FAM120C: variants seen among roughly 807,000 people sequenced by gnomAD.
FAM120C encodes constitutive coactivator of PPAR-gamma-like protein 2.
Under a neutral mutation model 71.2 loss-of-function variants are expected in FAM120C, and 14 were observed. That is an observed-to-expected ratio of 0.20 (90% CI 0.13 to 0.31). The LOEUF (loss-of-function observed/expected upper bound fraction) is 0.31. FAM120C is among the 10% of genes least tolerant of loss of function. FAM120C has a pLI of 1.00. For synonymous variants in FAM120C, 354 were observed against 353.2 expected, an observed-to-expected ratio of 1.00 and a Z score of -0.03; for missense variants, 500 against 879.0, an observed-to-expected ratio of 0.57 and a Z score of 5.45.
chrX:54,080,202 A>C, intron 15 of FAM120C, 30 bp downstream of exon 15: 1 of 1,157,820 alleles, frequency 8.6e-7, no homozygotes, highest in Non-Finnish European at 1.2e-6. Flanking sequence ...CATCAAACAG[A>C]AGCTAAATAA....
At chrX:54,181,190 G>T (rs2067347817) in intron 1 of FAM120C, among the ~76,000 whole-genome samples, 1 of 110,564 alleles carries the variant, frequency 9.0e-6, no homozygotes, top group African/African-American at 3.3e-5. Flanking sequence ...CTCTGTTTAG[G>T]TCTTTTAGTC....
rs1157546187 is a variant in FAM120C, at chrX:54,157,709, G to A, written c.1009C>T (p.His337Tyr). ...ATTACCTTAAGTGATGCAAGAGGAT[G>A]TTCTGGTCCCAAGAGGCTCCAGTGA... ...AFHWSLLGPE[H>Y]PLASLKVRAH... Residue 337 changes from histidine to tyrosine, a missense_variant, in exon 3 of 16, where the codon CAT becomes TAT. Physicochemically the swap from His to Tyr is moderately conservative, Grantham distance 83. Transcript: ENST00000375180. 2 of 1,206,427 alleles carry A rather than the reference G, an allele frequency of 1.7e-6. No individual in the cohort carries two copies. The highest frequency in any genetic ancestry group is 2.2e-6 in the Non-Finnish European group (2 of 892,237).
Position 54,182,866 on chromosome X carries a change from AGGG to A in FAM120C, c.330_332del (p.Pro111del). 9.2e-7 allele frequency: 1 copy of A among 1,085,452 alleles called. No homozygotes were observed. The highest frequency in any genetic ancestry group is 1.2e-6 in the Non-Finnish European group (1 of 813,531). 89.5% of individuals were successfully genotyped at this position (1,085,452 alleles called of 1,213,427 possible). On this transcript the variant is annotated inframe_deletion, in exon 1 of 16. Transcript: ENST00000375180. ...CCAGCACCCGGGCCCCGGGCAGCTG[AGGG>A]GGCGGCGGCGGCGGCAGCGGAGGGT... is the stretch of plus-strand genomic sequence containing the variant.
chrX:54,123,937 A>G (rs1460072221), intron 9 of FAM120C, among the ~76,000 whole-genome samples: 2 of 91,492 alleles, frequency 2.2e-5, no homozygotes, highest in Non-Finnish European at 4.3e-5. Context: ...TCCTTCTAAC[A>G]GACAGGACCC....
chrX:54,143,236 A>G (rs1349291178), intron 4 of FAM120C, among the ~76,000 whole-genome samples: 3 of 110,924 alleles, frequency 2.7e-5, no homozygotes. Context: ...TTGACACCCT[A>G]ACATCACAAT....
At position 54,135,022 on chromosome X, in the gene FAM120C, C is replaced by G; in HGVS notation, c.1425G>C (p.Leu475Phe). Residue 475 changes from leucine (L) to phenylalanine (F), a missense_variant, in exon 7 of 16, where the codon TTG (leucine) becomes TTC (phenylalanine). Physicochemically the swap from Leu to Phe is conservative, Grantham distance 22. Around this residue, in one of 11 missense-constraint regions of FAM120C, gnomAD observed 85 missense variants for 84.9 expected, o/e 1.00. Coordinates refer to ENST00000375180, the MANE Select transcript of FAM120C (RefSeq NM_017848.6). ...CCTCAGAAAAAGCATGGGATTCCCC[C>G]AAAGCATGGGAGGAGAAGAGAAGAG... ...NSSLLFSSHA[L>F]GESHAFSEDP... 8.3e-7 allele frequency: 1 copy of G among 1,211,475 alleles called. No homozygotes were observed. Among genetic ancestry groups the G allele is most frequent in the Non-Finnish European group, 1.1e-6 (1 of 895,374 alleles).
At chrX:54,148,731 TA>T (rs1557132668) in intron 4 of FAM120C, among the ~76,000 whole-genome samples, 1 of 111,758 alleles carries the variant, frequency 8.9e-6, no homozygotes, top group Non-Finnish European at 1.9e-5. Context: ...AGAACAGCTA[TA>T]AAAAACACTG....
chrX:54,132,716 T>C lies in FAM120C; in HGVS notation c.2038A>G (p.Met680Val), dbSNP rs782411216. The change falls in exon 9 of 16, where the codon ATG (methionine) becomes GTG (valine). Residue 680 changes from methionine to valine, a missense_variant. Coordinates refer to ENST00000375180, the MANE Select transcript of FAM120C (RefSeq NM_017848.6). ...ETQRKMERLAMRRRLPVEVPS... is the reference protein window; with the variant it reads ...ETQRKMERLAVRRRLPVEVPS... Reference sequence around the variant, plus strand: ...CCTTCCACAGGCAGCCGCCGTCGCATGGCCAAGCGTTCCATTTTCCTCTGT... The same window carrying C: ...CCTTCCACAGGCAGCCGCCGTCGCACGGCCAAGCGTTCCATTTTCCTCTGT... 1.7e-6 allele frequency: 2 copies of C among 1,206,161 alleles called. No individual in the cohort carries two copies. Among genetic ancestry groups the C allele is most frequent in the South Asian group, 3.6e-5 (2 of 55,457 alleles).
intron 11 of FAM120C, among the ~76,000 whole-genome samples, chrX:54,090,247 T>TTTTC (rs1458347941): frequency 5.1e-4 from 55 of 108,500 alleles, no homozygotes; most frequent in African/African-American, 1.8e-3. Flanking sequence ...TTCTTTTTTT[T>TTTTC]TGAGACAGAG....
At chrX:54,109,545 G>A (rs895320780) in intron 10 of FAM120C, among the ~76,000 whole-genome samples, 3 of 108,961 alleles carry the variant, frequency 2.8e-5, no homozygotes, top group African/African-American at 1.0e-4. Context: ...AGCGTAGGAG[G>A]TGGAGGCTGC....
intron 10 of FAM120C, among the ~76,000 whole-genome samples, chrX:54,113,633 C>T (rs1241058191): frequency 2.7e-5 from 3 of 110,720 alleles, no homozygotes; most frequent in Admixed American, 1.9e-4. Flanking sequence ...TGCACCAGGC[C>T]GGGCGCGGTG....
At position 54,132,687 on chromosome X, in the gene FAM120C, C is replaced by T; in HGVS notation, c.2062+5G>A. The T allele has an allele frequency of 8.3e-7, 1 of 1,197,948 alleles. No individual in the cohort carries two copies. The highest frequency in any genetic ancestry group is 1.1e-6 in the Non-Finnish European group (1 of 888,582). On this transcript the variant is annotated splice_donor_5th_base_variant and intron_variant, in intron 9 of 15. Transcript: ENST00000375180. ...GAGAATTGTCATAGCTAGAACTACA[C>T]TTACCTTCCACAGGCAGCCGCCGTC... is the stretch of plus-strand genomic sequence containing the variant.
chrX:54,179,680 G>C (rs782500045), intron 1 of FAM120C, among the ~76,000 whole-genome samples: 4 of 111,006 alleles, frequency 3.6e-5, no homozygotes, highest in Non-Finnish European at 7.5e-5. Context: ...ATTATATTAA[G>C]AGCCACACTA....
At position 54,071,976 on chromosome X, in the gene FAM120C, A is replaced by G. The variant is rs973663619; in HGVS notation, c.*1057T>C. 9.7e-6 allele frequency: 1 copy of G among 103,256 alleles called. No individual in the cohort carries two copies. The allele number at this position is 103,256 out of a possible 1,213,427, so 8.5% of individuals were successfully genotyped here. A position where few individuals can be genotyped will look rare whatever the true frequency, so the allele number is the denominator to read the frequency against. ...TGTATGTATGTATGTATGTGTGTAT[A>G]TATGTGTGTATATATATATACACAC... On this transcript the variant is annotated 3_prime_UTR_variant, in exon 16 of 16. Coordinates refer to ENST00000375180, the MANE Select transcript of FAM120C (RefSeq NM_017848.6).
At chrX:54,167,922 C>T (rs1242879585) in intron 1 of FAM120C, among the ~76,000 whole-genome samples, 6 of 104,358 alleles carry the variant, frequency 5.7e-5, no homozygotes, top group Non-Finnish European at 7.8e-5. Context: ...GAGCTGAGAT[C>T]GCGCCACTGC....
At chrX:54,095,815 C>T (rs1483265610) in intron 10 of FAM120C, among the ~76,000 whole-genome samples, 1 of 109,672 alleles carries the variant, frequency 9.1e-6, no homozygotes, top group Non-Finnish European at 1.9e-5. Context: ...CACCACCATG[C>T]CTGGCTTATT....
intron 11 of FAM120C, among the ~76,000 whole-genome samples, chrX:54,090,088 G>C (rs1469488984): frequency 9.0e-6 from 1 of 111,295 alleles, no homozygotes; most frequent in East Asian, 2.8e-4. Flanking sequence ...GATCCCCAAT[G>C]TTGTAGATGG....
chrX:54,139,346 T>TTTATTTATTTATTTA (rs1451615227), intron 4 of FAM120C, among the ~76,000 whole-genome samples: 1 of 103,751 alleles, frequency 9.6e-6, no homozygotes, highest in Non-Finnish European at 2.0e-5. Flanking sequence ...TATTTATTTA[T>TTTATTTATTTATTTA]TTATTTATTT....
intron 4 of FAM120C, among the ~76,000 whole-genome samples, chrX:54,144,829 T>C (rs1287718052): frequency 1.8e-5 from 2 of 111,577 alleles, no homozygotes; most frequent in African/African-American, 6.5e-5. Flanking sequence ...AAATTTCATA[T>C]GGAATCAAAA....
Sources: allele counts gnomAD v4.1 joint callset (sites outside exome capture counted in the v4.1 genomes callset), GRCh38; gene constraint gnomAD v4.1.1; regional missense constraint gnomAD v4.1.1; transcripts MANE v1.5; gene names NCBI Gene and HGNC (gene_info 2026-07-23, HGNC 2026-07-21).